TAFA5: variants seen among roughly 807,000 people sequenced by gnomAD.
TAFA5 encodes the protein TAFA chemokine like family member 5, also known as chemokine-like protein TAFA-5.
TAFA5 carries 6 observed loss-of-function variants against 15.3 expected under a neutral mutation model. That is an observed-to-expected ratio of 0.39 (90% CI 0.21 to 0.77). TAFA5 has a LOEUF of 0.77. Among genes scored for constraint, TAFA5 ranks in the 30% least tolerant of loss-of-function variants. TAFA5 has a pLI of 0.41. For missense variants in TAFA5, 161 were observed against 193.1 expected, an observed-to-expected ratio of 0.83 and a Z score of 0.98; for synonymous variants, 103 against 80.7, an observed-to-expected ratio of 1.28 and a Z score of -1.48.
At position 48,552,923 on chromosome 22, in the gene TAFA5, A is replaced by G. The variant is rs1284483901; in HGVS notation, c.112+63219A>G. ...GCCCTGTCTGCATTCCCTGCAGAAT[A>G]CCCCAGAGACTCAGACCTGGGGCTG... On this transcript the variant is annotated intron_variant, in intron 1 of 3. Transcript: ENST00000402357. The surrounding 1 kb of genome is among the most constrained non-coding windows in gnomAD (Gnocchi z 4.1). Among the ~76,000 whole-genome samples, 1 of 151,790 alleles carries G rather than the reference A, an allele frequency of 6.6e-6. No individual in the cohort carries two copies. Among genetic ancestry groups the G allele is most frequent in the Non-Finnish European group, 1.5e-5 (1 of 67,932 alleles).
chr22:48,646,305 G>A (rs923209366), intron 1 of TAFA5, among the ~76,000 whole-genome samples: 7 of 152,218 alleles, frequency 4.6e-5, no homozygotes, highest in Non-Finnish European at 1.0e-4. Flanking sequence ...ATTTCCGGGC[G>A]TGATAAAGAT....
At chr22:48,549,714 G>C (rs1223534268) in intron 1 of TAFA5, among the ~76,000 whole-genome samples, 1 of 152,216 alleles carries the variant, frequency 6.6e-6, no homozygotes, top group African/African-American at 2.4e-5. Flanking sequence ...GGACCAGGCA[G>C]TGCCGGGTTG....
At chr22:48,700,178 C>G (rs187848517) in intron 2 of TAFA5, among the ~76,000 whole-genome samples, 4 of 152,046 alleles carry the variant, frequency 2.6e-5, no homozygotes, top group Admixed American at 2.6e-4. Flanking sequence ...ACCCTTCTTT[C>G]ATCGAATCAG....
intron 1 of TAFA5, among the ~76,000 whole-genome samples, chr22:48,553,463 G>T (rs1922926229): frequency 6.6e-6 from 1 of 152,232 alleles, no homozygotes; most frequent in African/African-American, 2.4e-5. Context: ...CTGGCCGCAT[G>T]CACTGGACAC....
chr22:48,601,500 C>T (rs1436629005), intron 1 of TAFA5, among the ~76,000 whole-genome samples: 2 of 151,866 alleles, frequency 1.3e-5, no homozygotes, highest in African/African-American at 4.8e-5. Flanking sequence ...CGAATTTTTG[C>T]ATTTTTAGTA....
intron 1 of TAFA5, among the ~76,000 whole-genome samples, chr22:48,619,319 T>A (rs1014916077): frequency 2.0e-5 from 3 of 151,856 alleles, no homozygotes; most frequent in Non-Finnish European, 4.4e-5. Flanking sequence ...TGGGAGAGGG[T>A]GTGGGTGAAG....
chr22:48,514,229 A>G (rs1179729508), intron 1 of TAFA5, among the ~76,000 whole-genome samples: 5 of 152,242 alleles, frequency 3.3e-5, no homozygotes, highest in Admixed American at 6.5e-5. Context: ...GAAAATTTCC[A>G]TCTCAATTAA....
chr22:48,646,727 C>A lies in TAFA5; in HGVS notation c.243C>A (p.Ala81=). The A allele has an allele frequency of 1.9e-6, 3 of 1,584,766 alleles. No individual in the cohort carries two copies. Among genetic ancestry groups the A allele is most frequent in the Non-Finnish European group, 2.6e-6 (3 of 1,169,038 alleles). Residue 81 remains alanine, a synonymous_variant, in exon 2 of 4, where the codon GCC becomes GCA. Coordinates refer to ENST00000402357, the MANE Select transcript of TAFA5 (RefSeq NM_001082967.3). ...RKGQIAGTTR[A]RPACVDARII... is the part of the protein sequence containing the mutation. ...GGCAGATCGCCGGCACCACGAGAGC[C>A]CGGCCCGCCTGTGTGGACGGTAAGC... is the stretch of plus-strand genomic sequence containing the variant.
At chr22:48,689,254 G>A (rs1569080157) in intron 2 of TAFA5, among the ~76,000 whole-genome samples, 1 of 152,132 alleles carries the variant, frequency 6.6e-6, no homozygotes, top group South Asian at 2.1e-4. Flanking sequence ...GGGGAGTGTG[G>A]AGCAGATGGA....
chr22:48,520,647 G>C (rs1372749397), intron 1 of TAFA5, among the ~76,000 whole-genome samples: 1 of 152,202 alleles, frequency 6.6e-6, no homozygotes, highest in East Asian at 1.9e-4. Context: ...GAGAGACCAG[G>C]TGTGGAGGGG....
chr22:48,563,394 C>A (rs1043065076), intron 1 of TAFA5, among the ~76,000 whole-genome samples: 1 of 152,180 alleles, frequency 6.6e-6, no homozygotes, highest in Non-Finnish European at 1.5e-5. Flanking sequence ...TCTGTCTGGC[C>A]TCACTCACCG....
chr22:48,570,420 C>T (rs981191077), intron 1 of TAFA5, among the ~76,000 whole-genome samples: 2 of 152,168 alleles, frequency 1.3e-5, no homozygotes, highest in African/African-American at 4.8e-5. Context: ...AAGGAAAGTT[C>T]CAAATGAGAA....
intron 1 of TAFA5, among the ~76,000 whole-genome samples, chr22:48,586,114 T>G (rs1358541086): frequency 6.6e-6 from 1 of 152,212 alleles, no homozygotes; most frequent in East Asian, 1.9e-4. Flanking sequence ...TGCAGAGGCT[T>G]CCTGAGGAGG....
At chr22:48,571,713 A>C (rs1208695519) in intron 1 of TAFA5, among the ~76,000 whole-genome samples, 1 of 147,068 alleles carries the variant, frequency 6.8e-6, no homozygotes, top group Non-Finnish European at 1.5e-5. Context: ...GAAGATGTGC[A>C]TTTATTTATT....
At chr22:48,642,464 G>A (rs74830069) in intron 1 of TAFA5, among the ~76,000 whole-genome samples, 212 of 152,272 alleles carry the variant, frequency 1.4e-3, no homozygotes, top group Non-Finnish European at 2.5e-3. Context: ...AGAATGAGGC[G>A]ATTTTGGAGC....
At position 48,688,194 on chromosome 22, in the gene TAFA5, C is replaced by G. The variant is rs536655880; in HGVS notation, c.263-19523C>G. Among the ~76,000 whole-genome samples the G allele has an allele frequency of 2.6e-5, 4 of 152,006 alleles. No individual in the cohort carries two copies. In the South Asian group the frequency reaches 8.3e-4, roughly 32 times the overall value. Reference sequence around the variant, plus strand: ...CTTCATAAAGGGAGGCGTTTCCATTCTTGAGCGTGATGGGGACAGTTCCTG... The same window carrying G: ...CTTCATAAAGGGAGGCGTTTCCATTGTTGAGCGTGATGGGGACAGTTCCTG... On this transcript the variant is annotated intron_variant, in intron 2 of 3. Transcript: ENST00000402357.
chr22:48,542,941 T>TA (rs1225870587), intron 1 of TAFA5, among the ~76,000 whole-genome samples: 1 of 150,690 alleles, frequency 6.6e-6, no homozygotes, highest in Admixed American at 6.6e-5. Flanking sequence ...GTCTGGGGTG[T>TA]ATAGTCTGTG....
chr22:48,564,873 C>T (rs761733301), intron 1 of TAFA5, among the ~76,000 whole-genome samples: 10 of 152,212 alleles, frequency 6.6e-5, no homozygotes, highest in East Asian at 1.9e-4. Context: ...TTCGGTGCCA[C>T]GCACAGTCTG....
intron 1 of TAFA5, among the ~76,000 whole-genome samples, chr22:48,500,991 A>G (rs914842530): frequency 6.6e-6 from 1 of 151,758 alleles, no homozygotes; most frequent in African/African-American, 2.4e-5. Context: ...GGCCCCTTCC[A>G]TGGGCATGGC....
Sources: gnomAD v4.1 joint callset for allele counts (sites outside exome capture counted in the v4.1 genomes callset) on GRCh38, gnomAD v4.1.1 for gene constraint, Gnocchi (gnomAD v3.1) non-coding constraint, MANE v1.5 for transcripts, NCBI Gene and HGNC (gene_info 2026-07-23, HGNC 2026-07-21) for gene names.